Variants in MCC observed in about 807,000 individuals in gnomAD.
MCC encodes colorectal mutant cancer protein.
In MCC, 90 loss-of-function variants were observed where a neutral mutation model predicts 116.2. The ratio of observed to expected loss-of-function variants is 0.77; its 90% confidence interval spans 0.65 to 0.92. MCC has a LOEUF of 0.92. Among genes scored for constraint, MCC ranks in the 40% least tolerant of loss-of-function variants. The pLI is 0.00. For missense variants in MCC, 1,516 were observed against 1,312.2 expected (o/e 1.16, Z -2.40); for synonymous variants, 578 against 510.5 (o/e 1.13, Z -1.78).
chr5:113,320,806 C>G (rs1767406336), intron 3 of MCC, among the ~76,000 whole-genome samples: 1 of 152,164 alleles, frequency 6.6e-6, no homozygotes, highest in African/African-American at 2.4e-5. Flanking sequence ...TAGGTGAGAT[C>G]TTGCTCTTAA....
rs117586168 is a variant in MCC at position 113,160,449 on chromosome 5, T to C, written c.628-9027A>G. 8.5e-4 allele frequency among the ~76,000 whole-genome samples: 130 copies of C among 152,322 alleles called. 2 individuals are homozygous for C. The East Asian group carries it at 0.021, about 24-fold the overall frequency. ...GCATTTTTCTCAACTATTCTTCACA[T>C]AGCTTTATGAGATGGGTAGTGCTGT... On this transcript the variant is annotated intron_variant, in intron 3 of 18. Coordinates refer to ENST00000408903, the MANE Select transcript of MCC (RefSeq NM_001085377.2).
chr5:113,157,841 TAGTC>T (rs1319468982), intron 3 of MCC, among the ~76,000 whole-genome samples: 7 of 152,232 alleles, frequency 4.6e-5, no homozygotes, highest in African/African-American at 1.7e-4. Flanking sequence ...GTTTAATTCA[TAGTC>T]AGAGATTCAA....
intron 4 of MCC, among the ~76,000 whole-genome samples, chr5:113,146,257 T>G (rs1759510431): frequency 1.3e-5 from 2 of 152,226 alleles, no homozygotes; most frequent in South Asian, 4.1e-4. Flanking sequence ...GGTCACAGCT[T>G]CCAGTGGACT....
At chr5:113,429,085 T>A (rs1770555511) in intron 1 of MCC, among the ~76,000 whole-genome samples, 1 of 152,206 alleles carries the variant, frequency 6.6e-6, no homozygotes, top group Non-Finnish European at 1.5e-5. Context: ...AAACTTTACA[T>A]ATACTCTTTT....
At chr5:113,149,233 T>G (rs1318072966) in intron 4 of MCC, among the ~76,000 whole-genome samples, 4 of 150,966 alleles carry the variant, frequency 2.6e-5, no homozygotes, top group Non-Finnish European at 5.9e-5. Flanking sequence ...AATAACTATT[T>G]TCTCTTAAAA....
At chr5:113,459,881 C>A (rs1027667178) in intron 1 of MCC, among the ~76,000 whole-genome samples, 1 of 150,416 alleles carries the variant, frequency 6.6e-6, no homozygotes, top group Non-Finnish European at 1.5e-5. Context: ...TATGTGCACA[C>A]CTTAGTTGTA....
chr5:113,123,278 T>C (rs1194017468), intron 5 of MCC, among the ~76,000 whole-genome samples: 2 of 152,144 alleles, frequency 1.3e-5, no homozygotes, highest in South Asian at 4.1e-4. Context: ...AGGTTGGAGA[T>C]GGGGTTAGAG....
chr5:113,243,207 T>C (rs567792906), intron 3 of MCC, among the ~76,000 whole-genome samples: 1 of 152,338 alleles, frequency 6.6e-6, no homozygotes, highest in South Asian at 2.1e-4. Context: ...AATGGTATCA[T>C]GTACTGGCAT....
At chr5:113,253,231 G>T (rs770876449) in intron 3 of MCC, among the ~76,000 whole-genome samples, 4 of 152,272 alleles carry the variant, frequency 2.6e-5, no homozygotes, top group East Asian at 1.9e-4. Flanking sequence ...CAGCATCTGA[G>T]ATTAGACGTA....
intron 3 of MCC, among the ~76,000 whole-genome samples, chr5:113,267,127 G>A (rs1581342071): frequency 1.3e-5 from 2 of 152,218 alleles, no homozygotes; most frequent in South Asian, 2.1e-4. Context: ...GTATCCCAGG[G>A]CACGTTCTCT....
At chr5:113,450,109 T>A (rs1771346244) in intron 1 of MCC, among the ~76,000 whole-genome samples, 1 of 152,238 alleles carries the variant, frequency 6.6e-6, no homozygotes, top group Non-Finnish European at 1.5e-5. Flanking sequence ...TCTCTCCTTA[T>A]GTCCACACTC....
intron 4 of MCC, among the ~76,000 whole-genome samples, chr5:113,146,522 G>A: frequency 6.6e-6 from 1 of 151,876 alleles, no homozygotes; most frequent in African/African-American, 2.4e-5. Context: ...AAGAGAGCTA[G>A]GAAAGCCCAA....
chr5:113,122,689 T>A lies in MCC; in HGVS notation c.1022A>T (p.Asp341Val), dbSNP rs1160702759. 1 of 1,614,136 alleles carries A rather than the reference T, an allele frequency of 6.2e-7. No homozygotes were observed. Reference protein sequence around the residue: ...PENQSTMVTADMDNCSDLNSE... With the variant: ...PENQSTMVTAVMDNCSDLNSE... ...GCAAGGGCAGGCAGACTCACCCATGTCAGCAGTAACCATGGTAGACTGGTT... is the reference window on the plus strand; with the variant it reads ...GCAAGGGCAGGCAGACTCACCCATGACAGCAGTAACCATGGTAGACTGGTT... The change falls in exon 6 of 19, where the codon GAC becomes GTC. Residue 341 changes from aspartate to valine, a missense_variant. Transcript: ENST00000408903.
rs897171114 is a variant in MCC, at chr5:113,104,346, C to G, written c.1037G>C (p.Ser346Thr). Residue 346 changes from serine (S) to threonine (T), a missense_variant, in exon 7 of 19, where the codon AGT becomes ACT. Physicochemically the swap from Ser to Thr is moderately conservative, Grantham distance 58. Coordinates refer to ENST00000408903, the MANE Select transcript of MCC (RefSeq NM_001085377.2). Reference protein sequence around the residue: ...TMVTADMDNCSDLNSELQRVL... With the variant: ...TMVTADMDNCTDLNSELQRVL... ...CCTCTGCAGTTCTGAGTTCAGGTCACTGCAGTTGTCTGTGAGTGAATGAAG... is the reference window on the plus strand; with the variant it reads ...CCTCTGCAGTTCTGAGTTCAGGTCAGTGCAGTTGTCTGTGAGTGAATGAAG... The G allele has an allele frequency of 1.2e-6, 2 of 1,606,924 alleles. No homozygotes were observed. Among genetic ancestry groups the G allele is most frequent in the Non-Finnish European group, 1.7e-6 (2 of 1,176,054 alleles).
In MCC at chr5:113,053,707, G is replaced by A. The variant is rs755467207; in HGVS notation, c.2448+18C>T. On this transcript the variant is annotated intron_variant, in intron 15 of 18. Coordinates refer to ENST00000408903, the MANE Select transcript of MCC (RefSeq NM_001085377.2). ...CTCCTGGTGGCAGCCTAGCACATGG[G>A]ACCCACCCACCACATACCTTCATGG... 2.4e-5 allele frequency: 38 copies of A among 1,576,052 alleles called. No homozygotes were observed. In the East Asian group the frequency reaches 8.4e-4, roughly 35 times the overall value.
At chr5:113,060,458 G>C (rs937919674) in intron 14 of MCC, among the ~76,000 whole-genome samples, 2 of 152,104 alleles carry the variant, frequency 1.3e-5, no homozygotes, top group Non-Finnish European at 2.9e-5. Context: ...CGGCCTAGCA[G>C]CTCATTTTTA....
intron 3 of MCC, 115 bp from the exon 4 acceptor site, chr5:113,151,537 T>G (rs1208997870): frequency 4.7e-6 from 3 of 635,258 alleles, no homozygotes; most frequent in Non-Finnish European, 8.4e-6. Flanking sequence ...AAGCAACACT[T>G]TTGAGAATGA....
intron 3 of MCC, among the ~76,000 whole-genome samples, chr5:113,327,178 G>A (rs1380716133): frequency 6.6e-6 from 1 of 152,138 alleles, no homozygotes; most frequent in Non-Finnish European, 1.5e-5. Context: ...GAGGACAGAA[G>A]TATCAAATAG....
rs374083227 is a variant in MCC at position 113,058,010 on chromosome 5, GGTGT to G, written c.2214-4055_2214-4052del. Among the ~76,000 whole-genome samples the G allele has an allele frequency of 3.7e-4, 57 of 152,152 alleles. No individual in the cohort carries two copies. The East Asian group carries it at 0.011, about 29-fold the overall frequency. On this transcript the variant is annotated intron_variant, in intron 14 of 18. Transcript: ENST00000408903. ...CCTTCCTTGTAAACCTGGGACACAGGGTGTGGGGTTTACTTACACCTCTAGTCTT... is the reference window on the plus strand; with the variant it reads ...CCTTCCTTGTAAACCTGGGACACAGGGGGGTTTACTTACACCTCTAGTCTT...
Sources: allele counts gnomAD v4.1 joint callset (sites outside exome capture counted in the v4.1 genomes callset), GRCh38; gene constraint gnomAD v4.1.1; transcripts MANE v1.5; gene names NCBI Gene and HGNC (gene_info 2026-07-23, HGNC 2026-07-21).